The following FOCAD variants were observed in gnomAD, a reference collection of about 807,000 sequenced individuals.
FOCAD encodes the protein KIAA1797.
A neutral mutation model predicts 225.6 loss-of-function variants in FOCAD; 198 were observed. That is an observed-to-expected ratio of 0.88 (90% confidence interval 0.78 to 0.99). The LOEUF (loss-of-function observed/expected upper bound fraction) is 0.99, where lower values mean the gene tolerates loss of function less well. Among genes scored for constraint, FOCAD ranks in the 50% least tolerant of loss-of-function variants. FOCAD has a pLI of 0.00. For synonymous variants in FOCAD, 897 were observed against 755.0 expected, an observed-to-expected ratio of 1.19 and a Z score of -3.08; for missense variants, 2,713 against 2,123.6, an observed-to-expected ratio of 1.28 and a Z score of -5.46.
intron 36 of FOCAD, 55 bp from the exon 37 acceptor site, chr9:20,978,284 A>T (rs1840381898): frequency 1.7e-6 from 2 of 1,193,442 alleles, no homozygotes; most frequent in South Asian, 3.3e-5. Context: ...TAAAGCCTGA[A>T]AATGAGTCAG....
chr9:20,978,335 T>C lies in FOCAD; in HGVS notation c.4262-4T>C, dbSNP rs1177776814. On this transcript the variant is annotated splice_region_variant and splice_polypyrimidine_tract_variant and intron_variant, in intron 36 of 43. Coordinates refer to ENST00000338382, the MANE Select transcript of FOCAD (RefSeq NM_001375567.1). ...TTCAATTCTTTTCCTTTCTTGACTT[T>C]CAGGTGAAGAGATCCAGCAACTGTG... 5 of 1,584,358 alleles carry C rather than the reference T, an allele frequency of 3.2e-6. No homozygotes were observed. The South Asian group carries it at 4.6e-5, about 14-fold the overall frequency.
rs780136820 is a variant in FOCAD, at chr9:20,862,757, A to T, written c.2055+45A>T. Reference sequence around the variant, plus strand: ...CACATTGCCTGCTTCTTCATGGGAAAGATGTGTGTTATAATAACTTTTGGA... The same window carrying T: ...CACATTGCCTGCTTCTTCATGGGAATGATGTGTGTTATAATAACTTTTGGA... On this transcript the variant is annotated intron_variant, in intron 16 of 43. Transcript: ENST00000338382. 3.2e-6 allele frequency: 5 copies of T among 1,581,372 alleles called. No homozygotes were observed. The African/African-American group carries it at 6.8e-5, about 21-fold the overall frequency.
chr9:20,836,106 G>C (rs1460430042), intron 15 of FOCAD, among the ~76,000 whole-genome samples: 2 of 152,008 alleles, frequency 1.3e-5, no homozygotes, highest in African/African-American at 4.8e-5. Flanking sequence ...CTTTGTCTAG[G>C]GGCTCCTTTG....
chr9:20,663,731 C>T (rs901996336), intron 2 of FOCAD, among the ~76,000 whole-genome samples: 8 of 152,194 alleles, frequency 5.3e-5, no homozygotes, highest in South Asian at 2.1e-4. Flanking sequence ...GACTGCTTCA[C>T]GTATCACAGT....
chr9:20,952,927 T>G, intron 34 of FOCAD, 58 bp from the exon 35 acceptor site: 1 of 1,348,018 alleles, frequency 7.4e-7, no homozygotes, highest in Non-Finnish European at 1.1e-6. Flanking sequence ...ATCATTATCT[T>G]TCCTTCATTA....
chr9:20,699,737 CAAAAAAAAAAAAAAAAAAAAAAAAAAA>C (rs71334546), intron 1 of FOCAD, among the ~76,000 whole-genome samples: 3 of 40,580 alleles, frequency 7.4e-5, no homozygotes, highest in Admixed American at 1.0e-3. Flanking sequence ...GACTCCGTCT[CAAAAAAAAAAAAAAAAAAAAAAAAAAA>C]AAAAAAAAAA....
At chr9:20,918,647 C>T (rs1330644617) in intron 24 of FOCAD, among the ~76,000 whole-genome samples, 1 of 151,890 alleles carries the variant, frequency 6.6e-6, no homozygotes, top group Non-Finnish European at 1.5e-5. Flanking sequence ...TGGCGTGAAC[C>T]CGGGAGGCGG....
chr9:20,961,888 T>C (rs1838764392), intron 35 of FOCAD, among the ~76,000 whole-genome samples: 1 of 152,208 alleles, frequency 6.6e-6, no homozygotes, highest in Admixed American at 6.5e-5. Flanking sequence ...CAAAATGTTA[T>C]TGAAATATTC....
chr9:20,687,054 G>C (rs1365791698), intron 1 of FOCAD, among the ~76,000 whole-genome samples: 1 of 150,254 alleles, frequency 6.7e-6, no homozygotes, highest in African/African-American at 2.5e-5. Flanking sequence ...TTGTGTTTAT[G>C]ATTTTAAAAG....
At chr9:20,763,912 C>T (rs775286498) in intron 6 of FOCAD, among the ~76,000 whole-genome samples, 142 of 152,154 alleles carry the variant, frequency 9.3e-4, no homozygotes, top group Non-Finnish European at 1.8e-4. Flanking sequence ...TAAATAGATA[C>T]AAAAGATTTG....
At chr9:20,878,247 A>C (rs1468673684) in intron 19 of FOCAD, among the ~76,000 whole-genome samples, 1 of 152,216 alleles carries the variant, frequency 6.6e-6, no homozygotes, top group Admixed American at 6.6e-5. Context: ...CTATGTGTGA[A>C]GGGGCGGAAG....
intron 8 of FOCAD, among the ~76,000 whole-genome samples, chr9:20,771,169 G>A (rs1209386605): frequency 1.3e-5 from 2 of 152,182 alleles, no homozygotes; most frequent in Non-Finnish European, 1.5e-5. Context: ...ACATGAAAGA[G>A]TAGTCAGGCT....
At chr9:20,758,917 A>T (rs1330455199) in intron 6 of FOCAD, among the ~76,000 whole-genome samples, 1 of 152,192 alleles carries the variant, frequency 6.6e-6, no homozygotes, top group Non-Finnish European at 1.5e-5. Flanking sequence ...ACTTCAGCAA[A>T]GTCTCAGGAT....
At chr9:20,913,939 G>T (rs1833655457) in intron 23 of FOCAD, among the ~76,000 whole-genome samples, 1 of 152,068 alleles carries the variant, frequency 6.6e-6, no homozygotes, top group African/African-American at 2.4e-5. Context: ...GTATATATGA[G>T]TATAAAGGAG....
At chr9:20,878,501 G>A (rs1830410769) in intron 19 of FOCAD, among the ~76,000 whole-genome samples, 1 of 152,124 alleles carries the variant, frequency 6.6e-6, no homozygotes, top group Admixed American at 6.5e-5. Flanking sequence ...CCATTAAGTA[G>A]CCTTGTACAC....
chr9:20,875,978 C>G (rs1461171948), intron 19 of FOCAD, among the ~76,000 whole-genome samples: 1 of 152,200 alleles, frequency 6.6e-6, no homozygotes, highest in East Asian at 1.9e-4. Context: ...TTTTCTCAGT[C>G]ATAACCATAC....
intron 6 of FOCAD, 39 bp downstream of exon 6, chr9:20,758,230 C>A: frequency 6.9e-7 from 1 of 1,448,354 alleles, no homozygotes; most frequent in Admixed American, 1.9e-5. Context: ...GTGAGGGAGA[C>A]AGAATGGTAT....
chr9:20,816,637 A>G (rs983194608), intron 11 of FOCAD, among the ~76,000 whole-genome samples: 1 of 151,992 alleles, frequency 6.6e-6, no homozygotes, highest in Non-Finnish European at 1.5e-5. Context: ...TCCTTTTTGA[A>G]ATTGAATTAA....
At chr9:20,795,601 G>A (rs948222706) in intron 11 of FOCAD, among the ~76,000 whole-genome samples, 5 of 151,780 alleles carry the variant, frequency 3.3e-5, no homozygotes, top group African/African-American at 1.2e-4. Context: ...CTGGCTACAC[G>A]GTGAAACCCC....
Sources: allele counts gnomAD v4.1 joint callset (sites outside exome capture counted in the v4.1 genomes callset), GRCh38; gene constraint gnomAD v4.1.1; transcripts MANE v1.5; gene names NCBI Gene and HGNC (gene_info 2026-07-23, HGNC 2026-07-21).